Variants in PCDH11Y observed in about 807,000 individuals in gnomAD.
PCDH11Y encodes the protein protocadherin 11 Y-linked, also known as protocadherin-11 Y-linked.
For missense variants in PCDH11Y, 12 were observed against 224.8 expected (o/e 0.05, Z 6.05); for synonymous variants, 9 against 83.6 (o/e 0.11, Z 4.87).
intron 2 of PCDH11Y, among the ~76,000 whole-genome samples, chrY:5,171,410 A>AG (rs2052886429): frequency 6.1e-5 from 2 of 32,979 alleles, no homozygotes; most frequent in Non-Finnish European, 1.5e-4. Flanking sequence ...CTTAGATGGA[A>AG]ATGCCTTCTA....
intron 2 of PCDH11Y, among the ~76,000 whole-genome samples, chrY:5,169,567 A>G: frequency 9.5e-5 from 3 of 31,663 alleles, no homozygotes; most frequent in African/African-American, 3.7e-4. Flanking sequence ...GATTTTATAC[A>G]TACACATGCT....
At chrY:5,456,609 T>C in intron 2 of PCDH11Y, among the ~76,000 whole-genome samples, 1 of 33,372 alleles carries the variant, frequency 3.0e-5, no homozygotes, top group Non-Finnish European at 7.4e-5. Flanking sequence ...TTAAAGAAAA[T>C]GTGGTACATA....
At chrY:5,118,459 C>T in intron 2 of PCDH11Y, among the ~76,000 whole-genome samples, 1 of 32,183 alleles carries the variant, frequency 3.1e-5, no homozygotes, top group Non-Finnish European at 7.5e-5. Flanking sequence ...TGATCTCAAA[C>T]TCCTGGACTC....
At chrY:5,687,548 A>G (rs372705907) in intron 4 of PCDH11Y, among the ~76,000 whole-genome samples, 43 of 29,179 alleles carry the variant, frequency 1.5e-3, no homozygotes, top group Non-Finnish European at 2.0e-3. Flanking sequence ...AGCTTGCAGT[A>G]AGCCGCGATG....
chrY:5,241,487 CAT>C, intron 2 of PCDH11Y, among the ~76,000 whole-genome samples: 1 of 25,689 alleles, frequency 3.9e-5, no homozygotes, highest in Non-Finnish European at 9.0e-5. Flanking sequence ...AAATGAGAGA[CAT>C]GTGACTTTTC....
chrY:5,145,496 C>G, intron 2 of PCDH11Y, among the ~76,000 whole-genome samples: 1 of 33,015 alleles, frequency 3.0e-5, no homozygotes, highest in Non-Finnish European at 7.5e-5. Context: ...ATGACCTTTA[C>G]TTTAGTTAGT....
intron 2 of PCDH11Y, among the ~76,000 whole-genome samples, chrY:5,500,174 A>G: frequency 3.1e-5 from 1 of 32,718 alleles, no homozygotes; most frequent in Non-Finnish European, 7.4e-5. Flanking sequence ...GCAAAGCAGA[A>G]GCTACAGGGT....
chrY:5,487,196 T>G (rs2053334352), intron 2 of PCDH11Y, among the ~76,000 whole-genome samples: 18 of 31,999 alleles, frequency 5.6e-4, no homozygotes. Context: ...TATTTTTTTT[T>G]GTTGTTTCTT....
chrY:5,435,458 C>T, intron 2 of PCDH11Y, among the ~76,000 whole-genome samples: 1 of 30,703 alleles, frequency 3.3e-5, no homozygotes, highest in Middle Eastern at 0.015. Flanking sequence ...GAACTACAGG[C>T]GCCCGCCACC....
At chrY:5,258,493 G>T in intron 2 of PCDH11Y, among the ~76,000 whole-genome samples, 1 of 30,919 alleles carries the variant, frequency 3.2e-5, no homozygotes, top group African/African-American at 1.3e-4. Context: ...CATAGGTTTT[G>T]ATATGTTGTG....
At chrY:5,212,321 C>CT (rs760074914) in intron 2 of PCDH11Y, among the ~76,000 whole-genome samples, 10 of 22,156 alleles carry the variant, frequency 4.5e-4, no homozygotes, top group Non-Finnish European at 7.5e-4. Flanking sequence ...CATGAAGTGA[C>CT]TTTTTTTTTT....
At chrY:5,341,930 C>T in intron 2 of PCDH11Y, among the ~76,000 whole-genome samples, 6 of 25,840 alleles carry the variant, frequency 2.3e-4, no homozygotes, top group African/African-American at 4.7e-4. Context: ...TTACTCCAGC[C>T]GGGGTGAAAC....
intron 2 of PCDH11Y, among the ~76,000 whole-genome samples, chrY:5,486,730 C>T (rs1602932641): frequency 4.2e-4 from 2 of 4,743 alleles, no homozygotes; most frequent in Non-Finnish European, 3.3e-4. Flanking sequence ...TATATATACA[C>T]ATATATATAT....
At chrY:5,331,704 C>A in intron 2 of PCDH11Y, among the ~76,000 whole-genome samples, 8 of 33,301 alleles carry the variant, frequency 2.4e-4, no homozygotes, top group Admixed American at 2.2e-3. Context: ...CCAGATGGAA[C>A]GAATGTAAAT....
At chrY:5,081,513 A>AT (rs2052719671) in intron 1 of PCDH11Y, among the ~76,000 whole-genome samples, 1 of 30,591 alleles carries the variant, frequency 3.3e-5, no homozygotes, top group Non-Finnish European at 7.9e-5. Context: ...GGTAAGGTAT[A>AT]TTTTTCCATT....
At chrY:5,364,909 A>G in intron 2 of PCDH11Y, among the ~76,000 whole-genome samples, 1 of 32,845 alleles carries the variant, frequency 3.0e-5, no homozygotes, top group Non-Finnish European at 7.5e-5. Flanking sequence ...TTGTAATTTA[A>G]TCTCTCTTCA....
At chrY:5,413,955 A>C (rs2124678807) in intron 2 of PCDH11Y, among the ~76,000 whole-genome samples, 1 of 32,371 alleles carries the variant, frequency 3.1e-5, no homozygotes, top group South Asian at 6.9e-4. Flanking sequence ...TCCTCTTTGA[A>C]ATTTCCGATT....
At chrY:5,309,642 T>C in intron 2 of PCDH11Y, among the ~76,000 whole-genome samples, 1 of 32,877 alleles carries the variant, frequency 3.0e-5, no homozygotes, top group Non-Finnish European at 7.5e-5. Context: ...TGAGCTCTTA[T>C]AGTCTGAATA....
At chrY:5,729,530 A>C in intron 4 of PCDH11Y, among the ~76,000 whole-genome samples, 1 of 31,754 alleles carries the variant, frequency 3.1e-5, no homozygotes, top group East Asian at 8.2e-4. Context: ...ACCTTTGCTG[A>C]ATGTATACTT....
Sources: allele counts gnomAD v4.1 joint callset (sites outside exome capture counted in the v4.1 genomes callset), GRCh38; gene constraint gnomAD v4.1.1; transcripts MANE v1.5; gene names NCBI Gene and HGNC (gene_info 2026-07-23, HGNC 2026-07-21).